Variants in ATXN3 observed in about 807,000 individuals in gnomAD.
ATXN3 encodes the protein ataxin-3.
A neutral mutation model predicts 58.2 loss-of-function variants in ATXN3; 28 were observed. The ratio of observed to expected loss-of-function variants is 0.48; its 90% CI spans 0.36 to 0.66. The LOEUF (loss-of-function observed/expected upper bound fraction) is 0.66. Ranked by LOEUF, ATXN3 falls within the 30% of genes least tolerant of loss-of-function variation. The pLI is 0.00. For synonymous variants in ATXN3, 113 were observed against 138.5 expected, an observed-to-expected ratio of 0.82 and a Z score of 1.29; for missense variants, 321 against 422.1, an observed-to-expected ratio of 0.76 and a Z score of 2.10.
intron 10 of ATXN3, among the ~76,000 whole-genome samples, chr14:92,068,069 G>A (rs980305223): frequency 4.6e-5 from 7 of 152,036 alleles, no homozygotes; most frequent in Admixed American, 3.9e-4. Flanking sequence ...TTCTCTACTC[G>A]GCCTCTTCTC....
intron 6 of ATXN3, among the ~76,000 whole-genome samples, chr14:92,085,238 G>C (rs2062187951): frequency 6.6e-6 from 1 of 151,262 alleles, no homozygotes; most frequent in Non-Finnish European, 1.5e-5. Flanking sequence ...CCAGGCTGGA[G>C]TGCAGTGGTA....
Position 92,080,990 on chromosome 14 carries a change from T to G in ATXN3, c.847A>C (p.Lys283Gln), listed in dbSNP as rs2061365949. The change falls in exon 9 of 11, where the codon AAG (lysine) becomes CAG (glutamine). Residue 283 changes from lysine (K) to glutamine (Q), a missense_variant. Physicochemically the swap from Lys to Gln is moderately conservative, Grantham distance 53. Transcript: ENST00000644486. ...TTTTCAAAGTAGGCTTCTCGTCTCTTCCGAAGCTCTTCTGAAGTAAGATTT... is the reference window on the plus strand; with the variant it reads ...TTTTCAAAGTAGGCTTCTCGTCTCTGCCGAAGCTCTTCTGAAGTAAGATTT... The part of the protein sequence containing the change: ...GTNLTSEELR[K>Q]RREAYFEKQQ... The G allele has an allele frequency of 6.2e-7, 1 of 1,611,748 alleles. No homozygotes were observed. Among genetic ancestry groups the G allele is most frequent in the African/African-American group, 1.3e-5 (1 of 74,864 alleles).
At position 92,060,255 on chromosome 14, in the gene ATXN3, T is replaced by TACACAC. The variant is rs1391533785; in HGVS notation, c.*4064_*4065insGTGTGT. On this transcript the variant is annotated 3_prime_UTR_variant, in exon 11 of 11. Transcript: ENST00000644486. Reference sequence around the variant, plus strand: ...ATACATATATATATACACACATATATATATATATATATATATTTTTTTTTT... The same window carrying TACACAC: ...ATACATATATATATACACACATATATACACACATATATATATATATATTTTTTTTTT... 2 of 111,830 alleles carry TACACAC rather than the reference T, an allele frequency of 1.8e-5. No individual in the cohort carries two copies. The highest frequency in any genetic ancestry group is 3.8e-5 in the Non-Finnish European group (2 of 53,032). The allele number at this position is 111,830 out of a possible 1,614,324, so 6.9% of individuals were successfully genotyped here.
At chr14:92,064,435 A>AT in intron 10 of ATXN3, 21 bp from the exon 11 acceptor site, 2 of 1,550,244 alleles carry the variant, frequency 1.3e-6, no homozygotes, top group Non-Finnish European at 1.8e-6. Flanking sequence ...ACAAAACCAC[A>AT]TTTCTTTAAA....
intron 1 of ATXN3, among the ~76,000 whole-genome samples, chr14:92,098,401 A>C (rs565999797): frequency 6.6e-6 from 1 of 152,264 alleles, no homozygotes; most frequent in South Asian, 2.1e-4. Flanking sequence ...CAGCCTGACC[A>C]ATACGGTGAA....
intron 4 of ATXN3, 37 bp downstream of exon 4, chr14:92,093,709 G>A: frequency 2.1e-6 from 3 of 1,423,768 alleles, no homozygotes; most frequent in Non-Finnish European, 1.9e-6. Flanking sequence ...ATCAAATTTG[G>A]GAAAAGAAAT....
At chr14:92,078,666 G>A (rs2060881695) in intron 9 of ATXN3, among the ~76,000 whole-genome samples, 1 of 151,928 alleles carries the variant, frequency 6.6e-6, no homozygotes, top group South Asian at 2.1e-4. Flanking sequence ...CCTGGCCTTA[G>A]ATTTATTTTT....
intron 9 of ATXN3, among the ~76,000 whole-genome samples, chr14:92,078,377 T>TTTAC (rs1364704649): frequency 6.6e-6 from 1 of 151,938 alleles, no homozygotes; most frequent in Non-Finnish European, 1.5e-5. Context: ...TATTTATTTA[T>TTTAC]TTGAGATGGA....
chr14:92,057,198 A>C (rs1417374273), downstream of ATXN3, among the ~76,000 whole-genome samples: 1 of 152,226 alleles, frequency 6.6e-6, no homozygotes, highest in African/African-American at 2.4e-5. Flanking sequence ...CGGGTGGATC[A>C]CGAAGTCAAG....
intron 7 of ATXN3, among the ~76,000 whole-genome samples, 177 bp from the exon 8 acceptor site, chr14:92,082,643 C>T (rs1265681874): frequency 6.9e-6 from 1 of 144,464 alleles, no homozygotes; most frequent in African/African-American, 2.6e-5. Flanking sequence ...TTTTTTTTTT[C>T]CGTTTCTTTT....
chr14:92,082,267 C>A, intron 8 of ATXN3, 33 bp downstream of exon 8: 1 of 1,573,428 alleles, frequency 6.4e-7, no homozygotes. Context: ...AATTCTTCAG[C>A]AATGAATACA....
chr14:92,086,253 C>CA (rs869147623), intron 6 of ATXN3, among the ~76,000 whole-genome samples: 9,391 of 94,890 alleles, frequency 0.099, 542 homozygotes, highest in Middle Eastern at 0.14. Flanking sequence ...ACTAAAAATA[C>CA]AAAAAAAAAA....
chr14:92,095,347 G>A (rs568999116), intron 3 of ATXN3, among the ~76,000 whole-genome samples: 30 of 152,060 alleles, frequency 2.0e-4, no homozygotes, highest in Non-Finnish European at 2.6e-4. Context: ...TGGTTCAAGC[G>A]ATTCTCCTGC....
chr14:92,082,209 C>T (rs2061594681), intron 8 of ATXN3, 91 bp downstream of exon 8: 1 of 1,408,472 alleles, frequency 7.1e-7, no homozygotes, highest in Admixed American at 2.1e-5. Flanking sequence ...TGTCAAAACA[C>T]CTCTAAGAGT....
At chr14:92,085,698 A>G (rs1035142650) in intron 6 of ATXN3, among the ~76,000 whole-genome samples, 5 of 152,248 alleles carry the variant, frequency 3.3e-5, no homozygotes, top group African/African-American at 1.2e-4. Flanking sequence ...AGTCTTTCAT[A>G]GACATGTTCA....
upstream of ATXN3, among the ~76,000 whole-genome samples, chr14:92,051,536 T>A (rs941169003): frequency 2.6e-5 from 4 of 151,974 alleles, no homozygotes; most frequent in African/African-American, 7.3e-5. Flanking sequence ...GCTCTGAAAT[T>A]AATAATGGTG....
chr14:92,074,905 T>G (rs2060073817), intron 9 of ATXN3, among the ~76,000 whole-genome samples: 1 of 152,198 alleles, frequency 6.6e-6, no homozygotes, highest in African/African-American at 2.4e-5. Flanking sequence ...AAGCCACACC[T>G]AGAGAAGACA....
chr14:92,047,428 C>G (rs373468645), intron 2 of ATXN3, among the ~76,000 whole-genome samples: 10 of 152,288 alleles, frequency 6.6e-5, no homozygotes, highest in Admixed American at 5.2e-4. Context: ...GGCTTCAGTC[C>G]TCTTAAAGCC....
At chr14:92,076,095 G>A (rs928877753) in intron 9 of ATXN3, among the ~76,000 whole-genome samples, 4 of 152,134 alleles carry the variant, frequency 2.6e-5, no homozygotes, top group Non-Finnish European at 5.9e-5. Flanking sequence ...TGCTGACATT[G>A]TACTTGTTAT....
Sources: gnomAD v4.1 joint callset for allele counts (sites outside exome capture counted in the v4.1 genomes callset) on GRCh38, gnomAD v4.1.1 for gene constraint, MANE v1.5 for transcripts, NCBI Gene and HGNC (gene_info 2026-07-23, HGNC 2026-07-21) for gene names.